CEP290: variants seen among roughly 807,000 people sequenced by gnomAD.
CEP290 encodes the protein centrosomal protein of 290 kDa.
Under a neutral mutation model 344.9 loss-of-function variants are expected in CEP290, and 317 were observed. The observed-to-expected ratio is 0.92, with a 90% CI of 0.84 to 1.01. The LOEUF (loss-of-function observed/expected upper bound fraction) is 1.01. Ranked by LOEUF, CEP290 falls within the 50% of genes least tolerant of loss-of-function variation. The pLI, the probability that CEP290 is intolerant of heterozygous loss-of-function variation, is 0.00. For synonymous variants in CEP290, 932 were observed against 895.8 expected, an observed-to-expected ratio of 1.04 and a Z score of -0.72; for missense variants, 2,754 against 2,761.4, an observed-to-expected ratio of 1.00 and a Z score of 0.06.
chr12:88,098,777 GCTCC>G lies in CEP290; in HGVS notation c.2992-1782_2992-1779del, dbSNP rs200311137. Among the ~76,000 whole-genome samples the G allele has an allele frequency of 7.5e-3, 1,140 of 152,228 alleles. 17 individuals carry two copies. The highest frequency in any genetic ancestry group is 0.026 in the African/African-American group (1,096 of 41,536). On this transcript the variant is annotated intron_variant, in intron 26 of 53. Transcript: ENST00000552810. ...GAAGTATTTATTAGTAAACCCAGAT[GCTCC>G]AAAGGAAGAAAGCATTTGGAATACT...
At chr12:88,061,393 A>G (rs1411672729) in intron 46 of CEP290, among the ~76,000 whole-genome samples, 1 of 152,126 alleles carries the variant, frequency 6.6e-6, no homozygotes, top group East Asian at 1.9e-4. Context: ...ATTAAATTTT[A>G]ATTGCAACAT....
intron 30 of CEP290, among the ~76,000 whole-genome samples, chr12:88,090,346 C>A (rs968081971): frequency 2.6e-5 from 4 of 152,066 alleles, no homozygotes; most frequent in African/African-American, 4.8e-5. Flanking sequence ...AAAAATGTAA[C>A]AATGGCCCAG....
At chr12:88,134,253 G>A (rs946858859) in intron 6 of CEP290, among the ~76,000 whole-genome samples, 1 of 152,134 alleles carries the variant, frequency 6.6e-6, no homozygotes, top group Non-Finnish European at 1.5e-5. Flanking sequence ...AAATTAGGCA[G>A]ACTCTCCATC....
At chr12:88,090,901 T>C in intron 29 of CEP290, 62 bp from the exon 30 acceptor site, 1 of 998,930 alleles carries the variant, frequency 1.0e-6, no homozygotes, top group Non-Finnish European at 1.5e-6. Flanking sequence ...ATGCCAAAAT[T>C]CAAAATTTCT....
chr12:88,110,091 TAATA>T (rs2038572090), intron 22 of CEP290, among the ~76,000 whole-genome samples: 1 of 152,050 alleles, frequency 6.6e-6, no homozygotes, highest in South Asian at 2.1e-4. Flanking sequence ...AATGAGTACT[TAATA>T]ATTATAACTC....
chr12:88,054,718 C>A (rs952810037), intron 50 of CEP290, among the ~76,000 whole-genome samples: 3 of 151,910 alleles, frequency 2.0e-5, no homozygotes, highest in Admixed American at 2.0e-4. Flanking sequence ...TAATATAGTG[C>A]CAGATGGTAG....
chr12:88,141,031 C>T lies in CEP290; in HGVS notation c.105G>A (p.Val35=), dbSNP rs371969282. ...TTTCACTTTTTAGCTCATTTACTTC[C>T]ACCTAAGTAAACAGAAAAGCAACTG... ...ADNLLISLSK[V]EVNELKSEKQ... The change falls in exon 3 of 54, where the codon GTG becomes GTA. Residue 35 remains valine, a splice_region_variant and synonymous_variant. Transcript: ENST00000552810. The T allele has an allele frequency of 1.3e-5, 21 of 1,573,250 alleles. No homozygotes were observed. The highest frequency in any genetic ancestry group is 1.6e-5 in the Non-Finnish European group (19 of 1,162,412).
chr12:88,065,346 TGAG>T (rs2034834291), intron 44 of CEP290, among the ~76,000 whole-genome samples: 2 of 143,536 alleles, frequency 1.4e-5, no homozygotes, highest in African/African-American at 2.5e-5. Flanking sequence ...GATTTTTGTT[TGAG>T]GAGATGTGTG....
chr12:88,089,612 A>T, intron 30 of CEP290, 125 bp from the exon 31 acceptor site: 1 of 600,674 alleles, frequency 1.7e-6, no homozygotes, highest in East Asian at 3.1e-5. Flanking sequence ...GATCTACAAA[A>T]ATGTAACTTT....
chr12:88,118,738 C>G lies in CEP290; in HGVS notation c.1528G>C (p.Glu510Gln), dbSNP rs779860471. ...GTTAAATCAATCATTGTCTTTGGTT[C>G]AAGGCCTACAATAGAAAGCAATATA... ...NEALRERVGL[E>Q]PKTMIDLTEF... The change falls in exon 16 of 54, where the codon GAA (glutamate) becomes CAA (glutamine). Residue 510 changes from glutamate (E) to glutamine (Q), a missense_variant. Glu to Gln is a conservative substitution (Grantham distance 29). Coordinates refer to ENST00000552810, the MANE Select transcript of CEP290 (RefSeq NM_025114.4). 6.2e-7 allele frequency: 1 copy of G among 1,606,950 alleles called. No individual in the cohort carries two copies.
chr12:88,079,151 G>C lies in CEP290; in HGVS notation c.5305C>G (p.Gln1769Glu). 1 of 1,603,940 alleles carries C rather than the reference G, an allele frequency of 6.2e-7. No individual in the cohort carries two copies. Among genetic ancestry groups the C allele is most frequent in the Non-Finnish European group, 8.5e-7 (1 of 1,176,062 alleles). ...AEERIISATS[Q>E]KEAHLNVQQI... Reference sequence around the variant, plus strand: ...TGAACATTGAGATGGGCCTCTTTTTGAGAAGTTGCAGAAATAATACGTTCT... The same window carrying C: ...TGAACATTGAGATGGGCCTCTTTTTCAGAAGTTGCAGAAATAATACGTTCT... Residue 1769 changes from glutamine to glutamate, a missense_variant, in exon 39 of 54, where the codon CAA (glutamine) becomes GAA (glutamate). By Grantham distance (29) the Gln-to-Glu change is conservative. Coordinates refer to ENST00000552810, the MANE Select transcript of CEP290 (RefSeq NM_025114.4).
At chr12:88,093,674 T>C in intron 28 of CEP290, 96 bp downstream of exon 28, 1 of 848,798 alleles carries the variant, frequency 1.2e-6, no homozygotes, top group East Asian at 2.7e-5. Context: ...AATAAGATAT[T>C]TCAGAGATCC....
Position 88,093,924 on chromosome 12 carries a change from ATG to A in CEP290, c.3153_3154del (p.Ile1052CysfsTer17). ...AGTTATTTTTTTTGAAATGGAAACAATGTCACTGTTGGTTATTGATTTCTTTG... is the reference window on the plus strand; with the variant it reads ...AGTTATTTTTTTTGAAATGGAAACAATCACTGTTGGTTATTGATTTCTTTG... On this transcript the variant is annotated frameshift_variant, in exon 28 of 54. Transcript: ENST00000552810. LOFTEE classifies it high-confidence loss of function. The A allele has an allele frequency of 6.2e-7, 1 of 1,612,686 alleles. No individual in the cohort carries two copies. Among genetic ancestry groups the A allele is most frequent in the Non-Finnish European group, 8.5e-7 (1 of 1,179,392 alleles).
In CEP290 at chr12:88,053,728, C is replaced by T. The variant is rs1245652821; in HGVS notation, c.7053G>A (p.Leu2351=). ...LQVLRLANHQ[L]DKEKAELIHQ... is the part of the protein sequence containing the mutation. ...GGATTAATTCTGCTTTCTCTTTATC[C>T]AGCTGATGATTAGCTAATCTAGAAC... Residue 2351 remains leucine (L), a synonymous_variant, in exon 52 of 54, where the codon CTG becomes CTA. Coordinates refer to ENST00000552810, the MANE Select transcript of CEP290 (RefSeq NM_025114.4). 3 of 1,534,196 alleles carry T rather than the reference C, an allele frequency of 2.0e-6. No individual in the cohort carries two copies. The highest frequency in any genetic ancestry group is 2.7e-5 in the African/African-American group (2 of 72,958).
intron 52 of CEP290, among the ~76,000 whole-genome samples, chr12:88,052,688 T>C (rs2033657117): frequency 6.6e-6 from 1 of 152,092 alleles, no homozygotes; most frequent in Non-Finnish European, 1.5e-5. Context: ...CACCTACATA[T>C]CTCACACAGA....
intron 49 of CEP290, among the ~76,000 whole-genome samples, chr12:88,057,572 T>C (rs2034113509): frequency 6.6e-6 from 1 of 152,178 alleles, no homozygotes; most frequent in Non-Finnish European, 1.5e-5. Context: ...ACCTTGACAC[T>C]GGCTTTCTGA....
At chr12:88,063,165 AG>A (rs2034616888) in intron 45 of CEP290, among the ~76,000 whole-genome samples, 1 of 150,826 alleles carries the variant, frequency 6.6e-6, no homozygotes, top group Non-Finnish European at 1.5e-5. Context: ...AAGGAAAAAA[AG>A]TGCGAAAAAA....
Position 88,071,763 on chromosome 12 carries a change from AATG to A in CEP290, c.5855+15_5855+17del, listed in dbSNP as rs1592784176. 4 of 1,554,356 alleles carry A rather than the reference AATG, an allele frequency of 2.6e-6. No homozygotes were observed. The highest frequency in any genetic ancestry group is 3.5e-6 in the Non-Finnish European group (4 of 1,151,186). On this transcript the variant is annotated intron_variant, in intron 42 of 53. Transcript: ENST00000552810. ...GGATTTTACACATAATTAGTTTTAT[AATG>A]ATATTTAAACTCACTTGGCAAAAAG...
Position 88,098,167 on chromosome 12 carries a change from T to C in CEP290, c.2992-1168A>G, listed in dbSNP as rs55971850. 8.2e-3 allele frequency among the ~76,000 whole-genome samples: 1,236 copies of C among 151,306 alleles called. 21 individuals carry two copies. The highest frequency in any genetic ancestry group is 0.029 in the African/African-American group (1,187 of 41,176). On this transcript the variant is annotated intron_variant, in intron 26 of 53. Transcript: ENST00000552810. Reference sequence around the variant, plus strand: ...TAAAAATACAAAAATTAGCCAGTCATGATGGCACTTGCCTGTAATCCCAGC... The same window carrying C: ...TAAAAATACAAAAATTAGCCAGTCACGATGGCACTTGCCTGTAATCCCAGC...
Sources: gnomAD v4.1 joint callset for allele counts (sites outside exome capture counted in the v4.1 genomes callset) on GRCh38, gnomAD v4.1.1 for gene constraint, MANE v1.5 for transcripts, NCBI Gene and HGNC (gene_info 2026-07-23, HGNC 2026-07-21) for gene names.